Variants in GSAP observed in about 807,000 individuals in gnomAD.
GSAP encodes gamma-secretase activating protein, also known as gamma-secretase-activating protein.
GSAP carries 118 observed loss-of-function variants against 131.7 expected under a neutral mutation model. The ratio of observed to expected loss-of-function variants is 0.90; its 90% CI spans 0.77 to 1.04. The LOEUF (loss-of-function observed/expected upper bound fraction) is 1.04. Among genes scored for constraint, GSAP ranks in the 50% least tolerant of loss-of-function variants. The probability of loss-of-function intolerance (pLI) is 0.00; values close to 1 mark genes in which losing one functional copy is unlikely to be tolerated. For synonymous variants in GSAP, 381 were observed against 363.4 expected, an observed-to-expected ratio of 1.05 and a Z score of -0.55; for missense variants, 1,019 against 1,013.2, an observed-to-expected ratio of 1.01 and a Z score of -0.08.
In GSAP at chr7:77,362,563, AAAG is replaced by A. The variant is rs1276830423; in HGVS notation, c.949+17_949+19del. The A allele has an allele frequency of 7.7e-7, 1 of 1,294,604 alleles. No homozygotes were observed. The highest frequency in any genetic ancestry group is 2.3e-5 in the East Asian group (1 of 43,408). The allele number at this position is 1,294,604 out of a possible 1,614,324, so 80.2% of individuals were successfully genotyped here. A position where few individuals can be genotyped will look rare whatever the true frequency, so the allele number is the denominator to read the frequency against. ...GAAAAAGTTATTATGTAAAAGTAAC[AAAG>A]AAGACATGAAAAGTACCTTTATGAA... On this transcript the variant is annotated intron_variant, in intron 13 of 30. Coordinates refer to ENST00000257626, the MANE Select transcript of GSAP (RefSeq NM_017439.4).
At chr7:77,398,261 A>G (rs998187245) in intron 3 of GSAP, among the ~76,000 whole-genome samples, 4 of 152,156 alleles carry the variant, frequency 2.6e-5, no homozygotes, top group African/African-American at 7.2e-5. Flanking sequence ...AGTATCGAAA[A>G]CACACCAGAC....
chr7:77,311,498 G>T, intron 30 of GSAP, 49 bp from the exon 31 acceptor site: 1 of 911,408 alleles, frequency 1.1e-6, no homozygotes, highest in Non-Finnish European at 1.8e-6. Context: ...CCATGGGTCC[G>T]TGAAACATTT....
At chr7:77,347,855 C>A (rs920711739) in intron 19 of GSAP, among the ~76,000 whole-genome samples, 1 of 151,742 alleles carries the variant, frequency 6.6e-6, no homozygotes, top group African/African-American at 2.4e-5. Context: ...GGTTTGTTGT[C>A]CATTAAAAAA....
chr7:77,355,198 G>A lies in GSAP; in HGVS notation c.1338+15C>T. On this transcript the variant is annotated intron_variant, in intron 16 of 30. Transcript: ENST00000257626. Reference sequence around the variant, plus strand: ...CGTCTATCTGCCCATTTTAAAACATGAGCTATCTTCTCACCTGGGCTTCCA... The same window carrying A: ...CGTCTATCTGCCCATTTTAAAACATAAGCTATCTTCTCACCTGGGCTTCCA... 6.5e-7 allele frequency: 1 copy of A among 1,543,736 alleles called. No homozygotes were observed. Among genetic ancestry groups the A allele is most frequent in the Non-Finnish European group, 8.9e-7 (1 of 1,117,906 alleles).
chr7:77,382,722 G>A (rs764175508), intron 6 of GSAP, 79 bp from the exon 7 acceptor site: 4 of 768,086 alleles, frequency 5.2e-6, no homozygotes, highest in South Asian at 1.5e-5. Flanking sequence ...TTTGATGACT[G>A]TACTATTACA....
At chr7:77,360,576 A>C (rs1311674773) in intron 14 of GSAP, among the ~76,000 whole-genome samples, 1 of 152,214 alleles carries the variant, frequency 6.6e-6, no homozygotes, top group African/African-American at 2.4e-5. Context: ...AAGAAAGCTC[A>C]CAGCCTAGGT....
Position 77,352,825 on chromosome 7 carries a change from T to A in GSAP, c.1491+119A>T, listed in dbSNP as rs541871107. 15 of 588,992 alleles carry A rather than the reference T, an allele frequency of 2.5e-5. No homozygotes were observed. The South Asian group carries it at 3.8e-4, about 15-fold the overall frequency. The allele number at this position is 588,992 out of a possible 1,614,324, so 36.5% of individuals were successfully genotyped here. A position where few individuals can be genotyped will look rare whatever the true frequency, so the allele number is the denominator to read the frequency against. On this transcript the variant is annotated intron_variant, in intron 18 of 30. Coordinates refer to ENST00000257626, the MANE Select transcript of GSAP (RefSeq NM_017439.4). ...GCCAAAAAAAATTCAACTGAGTTCT[T>A]TATCAGTCAAAACAGTAGTGAAATC...
intron 22 of GSAP, chr7:77,327,252 GAC>G (rs1584271788): frequency 6.6e-6 from 1 of 152,290 alleles, no homozygotes; most frequent in Non-Finnish European, 1.5e-5. Context: ...AAACGGCCCT[GAC>G]ACATACAGTA....
At chr7:77,393,927 G>C (rs1799968318) in intron 5 of GSAP, among the ~76,000 whole-genome samples, 1 of 152,062 alleles carries the variant, frequency 6.6e-6, no homozygotes, top group Admixed American at 6.5e-5. Context: ...ACCTGCCTCA[G>C]CCTCCCAAAG....
chr7:77,343,704 A>C (rs1791360320), intron 19 of GSAP, among the ~76,000 whole-genome samples: 1 of 152,162 alleles, frequency 6.6e-6, no homozygotes, highest in Admixed American at 6.5e-5. Flanking sequence ...CCCACTGACT[A>C]ACTTCTACCT....
chr7:77,343,610 G>T (rs185492725), intron 19 of GSAP, among the ~76,000 whole-genome samples: 40 of 152,310 alleles, frequency 2.6e-4, no homozygotes, highest in Non-Finnish European at 4.9e-4. Flanking sequence ...TGCTGATAAG[G>T]TAGCTAAAGA....
At chr7:77,339,736 A>C (rs112793809) in intron 19 of GSAP, among the ~76,000 whole-genome samples, 27 of 151,814 alleles carry the variant, frequency 1.8e-4, no homozygotes, top group African/African-American at 6.3e-4. Context: ...CACAGAAAAC[A>C]AACAAGCCAG....
At chr7:77,349,298 G>A in intron 19 of GSAP, 53 bp downstream of exon 19, 1 of 1,356,298 alleles carries the variant, frequency 7.4e-7, no homozygotes, top group South Asian at 1.2e-5. Context: ...TACTCAGGCA[G>A]CAGAGCTTTA....
At chr7:77,385,798 G>A (rs1384080515) in intron 6 of GSAP, among the ~76,000 whole-genome samples, 5 of 152,208 alleles carry the variant, frequency 3.3e-5, no homozygotes, top group Admixed American at 1.3e-4. Context: ...CTAACCCACT[G>A]GAATAGGGAG....
chr7:77,353,735 C>T, intron 16 of GSAP, 94 bp from the exon 17 acceptor site: 1 of 722,910 alleles, frequency 1.4e-6, no homozygotes, highest in Non-Finnish European at 2.4e-6. Flanking sequence ...CTTTTGCATT[C>T]TATACCTATT....
chr7:77,393,321 C>T (rs1219744159), intron 5 of GSAP, among the ~76,000 whole-genome samples: 2 of 152,168 alleles, frequency 1.3e-5, no homozygotes, highest in Non-Finnish European at 2.9e-5. Flanking sequence ...CTGGTTACAT[C>T]ATCTGAAATC....
At chr7:77,416,356 C>A, upstream of GSAP, 1 of 1,294,230 alleles carries the variant, frequency 7.7e-7, no homozygotes, top group Non-Finnish European at 1.0e-6. Flanking sequence ...CTCTGGGGCC[C>A]CGCACCGCGG....
Position 77,330,853 on chromosome 7 carries a change from G to A in GSAP, c.1546-486C>T, listed in dbSNP as rs1199273499. 4.1e-6 allele frequency: 4 copies of A among 980,960 alleles called. No individual in the cohort carries two copies. In the Admixed American group the frequency reaches 1.9e-4, roughly 45 times the overall value. 60.8% of individuals were successfully genotyped at this position (980,960 alleles called of 1,614,324 possible). ...GCCCAGGACATTTTTCAAAACCTAG[G>A]AATCAAAAAAAGATAAAATGAACTA... is the stretch of plus-strand genomic sequence containing the variant. On this transcript the variant is annotated intron_variant, in intron 19 of 30. Transcript: ENST00000257626.
At chr7:77,360,977 C>A in intron 13 of GSAP, 76 bp from the exon 14 acceptor site, 1 of 812,836 alleles carries the variant, frequency 1.2e-6, no homozygotes, top group Non-Finnish European at 2.2e-6. Flanking sequence ...GACTATGTAA[C>A]ACACTATATT....
Sources: gnomAD v4.1 joint callset for allele counts (sites outside exome capture counted in the v4.1 genomes callset) on GRCh38, gnomAD v4.1.1 for gene constraint, MANE v1.5 for transcripts, NCBI Gene and HGNC (gene_info 2026-07-23, HGNC 2026-07-21) for gene names.